The following MGST1 variants were observed in gnomAD, a reference collection of about 807,000 sequenced individuals.
MGST1 encodes the protein microsomal glutathione S-transferase 1.
Under a neutral mutation model 8.9 loss-of-function variants are expected in MGST1, and 5 were observed. The observed-to-expected ratio is 0.56, with a 90% CI of 0.29 to 1.19. The LOEUF is 1.19. Among genes scored for constraint, MGST1 ranks in the 50% most tolerant of loss-of-function variants. The pLI is 0.08. For synonymous variants in MGST1, 54 were observed against 67.8 expected (o/e 0.80, Z 1.00); for missense variants, 182 against 187.4 (o/e 0.97, Z 0.17).
At position 16,549,407 on chromosome 12, in the gene MGST1, C is replaced by A. The variant is rs540823154; in HGVS notation, n.483-40121C>A. The A allele has an allele frequency of 2.9e-4, 45 of 152,606 alleles. 1 individual carries two copies. Among genetic ancestry groups the A allele is most frequent in the African/African-American group, 1.1e-3 (44 of 41,560 alleles). 9.5% of individuals were successfully genotyped at this position (152,606 alleles called of 1,614,324 possible). The stretch of plus-strand genomic sequence containing the variant: ...TACATATCATTCACTTTTCACAGAA[C>A]CATTTTCTTAAAAATAAGAGGCAAT... On this transcript the variant is annotated intron_variant and non_coding_transcript_variant, in intron 4 of 4. Transcript: ENST00000538857.
At chr12:16,405,528 A>G (rs1231125684) in intron 1 of MGST1, among the ~76,000 whole-genome samples, 1 of 152,146 alleles carries the variant, frequency 6.6e-6, no homozygotes, top group African/African-American at 2.4e-5. Context: ...CTATTCCAAA[A>G]AATTGAGGAG....
At position 16,503,235 on chromosome 12, in the gene MGST1, G is replaced by A. The variant is rs946881383; in HGVS notation, n.483-86293G>A. Among the ~76,000 whole-genome samples the A allele has an allele frequency of 1.3e-5, 2 of 152,060 alleles. No individual in the cohort carries two copies. Among genetic ancestry groups the A allele is most frequent in the African/African-American group, 4.8e-5 (2 of 41,456 alleles). ...CAATAGTTTGGGTTGGACAGGCAAT[G>A]TAAATATGGATGGTTTCAAGGGAAG... On this transcript the variant is annotated intron_variant and non_coding_transcript_variant, in intron 4 of 4. Coordinates refer to the MGST1 transcript ENST00000538857. The surrounding 1 kb of genome is among the most constrained non-coding windows in gnomAD (Gnocchi z 4.8).
intron 4 of MGST1, among the ~76,000 whole-genome samples, chr12:16,448,461 A>G (rs1306077271): frequency 6.6e-6 from 1 of 151,830 alleles, no homozygotes; most frequent in Admixed American, 6.6e-5. Flanking sequence ...TATGATGCAC[A>G]CGAGATTATC....
chr12:16,467,327 G>A (rs1330121877), intron 4 of MGST1, among the ~76,000 whole-genome samples: 1 of 152,218 alleles, frequency 6.6e-6, no homozygotes, highest in Non-Finnish European at 1.5e-5. Flanking sequence ...GCTATTCCAT[G>A]CCATATTAGC....
At chr12:16,489,102 C>A (rs1015311053) in intron 4 of MGST1, among the ~76,000 whole-genome samples, 1 of 151,736 alleles carries the variant, frequency 6.6e-6, no homozygotes, top group East Asian at 1.9e-4. Context: ...AGAGCAAGAT[C>A]ACCATCTCAA....
At chr12:16,419,859 T>C (rs1028181055) in intron 1 of MGST1, among the ~76,000 whole-genome samples, 1 of 152,110 alleles carries the variant, frequency 6.6e-6, no homozygotes, top group African/African-American at 2.4e-5. Context: ...TAGGCTTCCA[T>C]AGACATAACA....
At chr12:16,430,991 C>G (rs1345279683) in intron 1 of MGST1, among the ~76,000 whole-genome samples, 1 of 152,234 alleles carries the variant, frequency 6.6e-6, no homozygotes, top group Non-Finnish European at 1.5e-5. Context: ...GCCAGATCTT[C>G]TACATAACTT....
At chr12:16,508,479 G>A (rs1202293044) in intron 4 of MGST1, among the ~76,000 whole-genome samples, 1 of 152,122 alleles carries the variant, frequency 6.6e-6, no homozygotes. Context: ...GTAGTGCCTG[G>A]TGCAGTACAG....
At chr12:16,400,064 C>G in intron 1 of MGST1, 1 of 1,582,220 alleles carries the variant, frequency 6.3e-7, no homozygotes, top group South Asian at 1.1e-5. Context: ...TTAGTTAGAG[C>G]CTCTACTTTC....
intron 1 of MGST1, among the ~76,000 whole-genome samples, chr12:16,393,601 C>T (rs149953955): frequency 5.5e-4 from 84 of 152,300 alleles, no homozygotes; most frequent in Middle Eastern, 6.8e-3. Context: ...GTAATTAAAA[C>T]GGTTATAAAC....
intron 4 of MGST1, among the ~76,000 whole-genome samples, chr12:16,457,021 C>T (rs375251302): frequency 4.0e-5 from 6 of 151,892 alleles, no homozygotes; most frequent in South Asian, 2.1e-4. Context: ...CTTGTCACTC[C>T]GTGCATAAAG....
intron 1 of MGST1, among the ~76,000 whole-genome samples, chr12:16,394,372 CT>C (rs1940580884): frequency 6.7e-6 from 1 of 150,266 alleles, no homozygotes; most frequent in African/African-American, 2.5e-5. Context: ...TTCTTTCTTT[CT>C]TTCTCTTTCT....
At chr12:16,381,966 G>A (rs1012025397), downstream of MGST1, among the ~76,000 whole-genome samples, 2 of 151,968 alleles carry the variant, frequency 1.3e-5, no homozygotes, top group African/African-American at 2.4e-5. Context: ...CATAGCTCTC[G>A]TGCCTTGGTT....
intron 4 of MGST1, among the ~76,000 whole-genome samples, chr12:16,578,394 G>A (rs959047967): frequency 6.6e-5 from 10 of 152,172 alleles, no homozygotes; most frequent in Non-Finnish European, 1.2e-4. Flanking sequence ...AGAAAGGGGA[G>A]GGGTCAGGTA....
chr12:16,563,063 C>T (rs1942457493), intron 4 of MGST1, among the ~76,000 whole-genome samples: 1 of 151,810 alleles, frequency 6.6e-6, no homozygotes, highest in Admixed American at 6.6e-5. Context: ...CTTTCCCTGC[C>T]TCGCTGGAGG....
downstream of MGST1, among the ~76,000 whole-genome samples, chr12:16,368,421 A>G (rs547941003): frequency 7.9e-5 from 12 of 152,258 alleles, no homozygotes; most frequent in South Asian, 2.5e-3. Flanking sequence ...TTTACAATCC[A>G]TTTAGAAACA....
chr12:16,539,709 T>G (rs572263722), intron 4 of MGST1, among the ~76,000 whole-genome samples: 20 of 152,220 alleles, frequency 1.3e-4, no homozygotes, highest in Non-Finnish European at 2.6e-4. Flanking sequence ...CCTTCCCCTG[T>G]GTTGTAAGTT....
chr12:16,488,039 A>G (rs1941411403), intron 4 of MGST1, among the ~76,000 whole-genome samples: 1 of 152,196 alleles, frequency 6.6e-6, no homozygotes, highest in South Asian at 2.1e-4. Context: ...ATGGATTAAG[A>G]AATAAAGGAT....
chr12:16,546,090 C>T lies in MGST1; in HGVS notation n.483-43438C>T, dbSNP rs1329814479. Among the ~76,000 whole-genome samples the T allele has an allele frequency of 3.9e-5, 6 of 151,980 alleles. No homozygotes were observed. The highest frequency in any genetic ancestry group is 2.1e-4 in the South Asian group (1 of 4,828). On this transcript the variant is annotated intron_variant and non_coding_transcript_variant, in intron 4 of 4. Transcript: ENST00000538857. The surrounding 1 kb of genome is among the most constrained non-coding windows in gnomAD (Gnocchi z 4.7). Reference sequence around the variant, plus strand: ...ACAGGGGTGTTGTGGGAATTACATGCGTGTGCAGAACTACCTGATACATGG... The same window carrying T: ...ACAGGGGTGTTGTGGGAATTACATGTGTGTGCAGAACTACCTGATACATGG...
Sources: allele counts gnomAD v4.1 joint callset (sites outside exome capture counted in the v4.1 genomes callset), GRCh38; gene constraint gnomAD v4.1.1; non-coding constraint Gnocchi (gnomAD v3.1); transcripts MANE v1.5; gene names NCBI Gene and HGNC (gene_info 2026-07-23, HGNC 2026-07-21).